SMYD1: variants seen among roughly 807,000 people sequenced by gnomAD.
SMYD1 encodes the protein SET and MYND domain containing 1.
Under a neutral mutation model 54.0 loss-of-function variants are expected in SMYD1, and 49 were observed. The observed-to-expected ratio is 0.91, with a 90% CI of 0.72 to 1.15. The LOEUF (loss-of-function observed/expected upper bound fraction) is 1.15. Ranked by LOEUF, SMYD1 falls within the 50% of genes most tolerant of loss-of-function variation. The pLI, the probability that SMYD1 is intolerant of heterozygous loss-of-function variation, is 0.00. For synonymous variants in SMYD1, 269 were observed against 234.2 expected, an observed-to-expected ratio of 1.15 and a Z score of -1.36; for missense variants, 653 against 639.6, an observed-to-expected ratio of 1.02 and a Z score of -0.23.
At chr2:88,077,892 T>C (rs1283613624) in intron 1 of SMYD1, among the ~76,000 whole-genome samples, 1 of 151,824 alleles carries the variant, frequency 6.6e-6, no homozygotes, top group African/African-American at 2.4e-5. Context: ...CCTGGCTAAT[T>C]TTTTGTATTT....
At chr2:88,072,006 A>G (rs1473577967) in intron 1 of SMYD1, among the ~76,000 whole-genome samples, 2 of 14,568 alleles carry the variant, frequency 1.4e-4, no homozygotes, top group Non-Finnish European at 2.9e-4. Context: ...ACATTTGGAA[A>G]AAAAAAAAAA....
chr2:88,092,000 AC>A (rs1674472669), intron 4 of SMYD1, among the ~76,000 whole-genome samples: 1 of 152,204 alleles, frequency 6.6e-6, no homozygotes, highest in South Asian at 2.1e-4. Context: ...TGAAGGAAGC[AC>A]TGTTTCTGCA....
intron 5 of SMYD1, 34 bp from the exon 6 acceptor site, chr2:88,096,561 A>C (rs2919883): frequency 0.34 from 531,908 of 1,556,158 alleles, 93,141 homozygotes; most frequent in African/African-American, 0.42. Context: ...GTAGGCCTGG[A>C]TTCGATTCAC....
At chr2:88,100,063 C>G (rs74262989) in intron 6 of SMYD1, among the ~76,000 whole-genome samples, 10 of 151,270 alleles carry the variant, frequency 6.6e-5, no homozygotes, top group Non-Finnish European at 1.0e-4. Context: ...GCTCCTCCCC[C>G]CCTCTTCCTC....
rs896776306 is a variant in SMYD1, at chr2:88,112,306, T to G, written c.*1794T>G. ...ATTTCCCCATATTCGTAGTCTTTTT[T>G]TCCATCCTATCTTTCTAATATTTGT... On this transcript the variant is annotated 3_prime_UTR_variant, in exon 10 of 10. Coordinates refer to ENST00000419482, the MANE Select transcript of SMYD1 (RefSeq NM_198274.4). The G allele has an allele frequency of 4.9e-6, 3 of 608,960 alleles. No individual in the cohort carries two copies. The highest frequency in any genetic ancestry group is 1.8e-5 in the African/African-American group (1 of 54,088). 37.7% of individuals were successfully genotyped at this position (608,960 alleles called of 1,614,324 possible).
At chr2:88,086,115 G>A (rs536797813) in intron 2 of SMYD1, among the ~76,000 whole-genome samples, 14 of 152,172 alleles carry the variant, frequency 9.2e-5, no homozygotes, top group Non-Finnish European at 1.8e-4. Flanking sequence ...TAAGTAAAAC[G>A]GAAGAAATCT....
intron 1 of SMYD1, among the ~76,000 whole-genome samples, chr2:88,074,457 G>A (rs369219997): frequency 6.6e-6 from 1 of 152,158 alleles, no homozygotes; most frequent in African/African-American, 2.4e-5. Context: ...TACTGTCCTT[G>A]TCTCAAGGTC....
rs151101241 is a variant in SMYD1, at chr2:88,112,300, CTT to C, written c.*1794_*1795del. 1.6e-6 allele frequency: 1 copy of C among 611,734 alleles called. No individual in the cohort carries two copies. The highest frequency in any genetic ancestry group is 1.8e-5 in the African/African-American group (1 of 54,092). 37.9% of individuals were successfully genotyped at this position (611,734 alleles called of 1,614,324 possible). A position where few individuals can be genotyped will look rare whatever the true frequency, so the allele number is the denominator to read the frequency against. The stretch of plus-strand genomic sequence containing the variant: ...CTGGTCATTTCCCCATATTCGTAGT[CTT>C]TTTTTCCATCCTATCTTTCTAATAT... On this transcript the variant is annotated 3_prime_UTR_variant, in exon 10 of 10. Coordinates refer to ENST00000419482, the MANE Select transcript of SMYD1 (RefSeq NM_198274.4).
At chr2:88,104,421 T>C (rs891964992) in intron 7 of SMYD1, among the ~76,000 whole-genome samples, 25 of 152,146 alleles carry the variant, frequency 1.6e-4, no homozygotes. Context: ...ACACAAAGTG[T>C]TATTGTACAA....
At position 88,110,423 on chromosome 2, in the gene SMYD1, C is replaced by A. The variant is rs774920260; in HGVS notation, c.1384C>A (p.Arg462Ser). Reference protein sequence around the residue: ...RQNEFMYYKMREAALNNQPMQ... With the variant: ...RQNEFMYYKMSEAALNNQPMQ... ...GAACGAATTCATGTACTACAAGATG[C>A]GCGAGGCTGCCCTGAACAACCAGCC... The change falls in exon 10 of 10, where the codon CGC becomes AGC. Residue 462 changes from arginine (R) to serine (S), a missense_variant. Coordinates refer to ENST00000419482, the MANE Select transcript of SMYD1 (RefSeq NM_198274.4). 6.2e-7 allele frequency: 1 copy of A among 1,610,744 alleles called. No individual in the cohort carries two copies. Among genetic ancestry groups the A allele is most frequent in the Admixed American group, 1.7e-5 (1 of 59,636 alleles).
intron 2 of SMYD1, among the ~76,000 whole-genome samples, chr2:88,087,404 A>G (rs1323079637): frequency 1.3e-5 from 2 of 152,028 alleles, no homozygotes; most frequent in African/African-American, 4.8e-5. Context: ...TTTGGTCTCC[A>G]TTTCTTGCTC....
intron 1 of SMYD1, among the ~76,000 whole-genome samples, chr2:88,076,425 G>A (rs899109489): frequency 1.3e-5 from 2 of 152,060 alleles, no homozygotes; most frequent in East Asian, 1.9e-4. Context: ...GGGTTTCGCC[G>A]TGTTGGCCAG....
chr2:88,074,145 C>G (rs190714964), intron 1 of SMYD1, among the ~76,000 whole-genome samples: 1 of 152,208 alleles, frequency 6.6e-6, no homozygotes. Context: ...GGATTACAGG[C>G]GTGAGCCCCT....
chr2:88,084,428 C>T lies in SMYD1; in HGVS notation c.250C>T (p.Leu84=). 6.2e-7 allele frequency: 1 copy of T among 1,607,918 alleles called. No individual in the cohort carries two copies. Among genetic ancestry groups the T allele is most frequent in the Non-Finnish European group, 8.5e-7 (1 of 1,174,994 alleles). The change falls in exon 2 of 10, where the codon CTG becomes TTG. Residue 84 remains leucine, a synonymous_variant. Coordinates refer to ENST00000419482, the MANE Select transcript of SMYD1 (RefSeq NM_198274.4). ...CCGCACCTGCCAGAAGGATGCTTGG[C>T]TGAACCACAAGAATGAATGTTCGGC... ...CDRTCQKDAW[L]NHKNECSAIK...
chr2:88,090,983 C>T, intron 3 of SMYD1, 29 bp from the exon 4 acceptor site: 1 of 1,602,538 alleles, frequency 6.2e-7, no homozygotes, highest in Non-Finnish European at 8.5e-7. Flanking sequence ...TGTCTGTCGA[C>T]TGACTCTTTC....
chr2:88,094,512 C>T (rs1034108788), intron 5 of SMYD1, among the ~76,000 whole-genome samples: 4 of 152,198 alleles, frequency 2.6e-5, no homozygotes, highest in African/African-American at 9.7e-5. Context: ...AGGGCTAAAA[C>T]CCTCATCTCC....
At chr2:88,085,600 A>C (rs538662176) in intron 2 of SMYD1, among the ~76,000 whole-genome samples, 3 of 152,182 alleles carry the variant, frequency 2.0e-5, no homozygotes, top group Non-Finnish European at 2.9e-5. Context: ...CTATTGAAAC[A>C]CTACATATCC....
intron 1 of SMYD1, among the ~76,000 whole-genome samples, chr2:88,071,008 T>C (rs1673936718): frequency 6.6e-6 from 1 of 150,808 alleles, no homozygotes; most frequent in Non-Finnish European, 1.5e-5. Context: ...CTAAACAATG[T>C]ATAATTTAGT....
At chr2:88,077,965 C>T (rs914548658) in intron 1 of SMYD1, among the ~76,000 whole-genome samples, 5 of 152,038 alleles carry the variant, frequency 3.3e-5, no homozygotes, top group Non-Finnish European at 5.9e-5. Flanking sequence ...CCTCAGGTGA[C>T]CCACCCGCCT....
Sources: gnomAD v4.1 joint callset for allele counts (sites outside exome capture counted in the v4.1 genomes callset) on GRCh38, gnomAD v4.1.1 for gene constraint, MANE v1.5 for transcripts, NCBI Gene and HGNC (gene_info 2026-07-23, HGNC 2026-07-21) for gene names.